Variants in GNA15 observed in about 807,000 individuals in gnomAD.
GNA15 encodes the protein guanine nucleotide-binding protein subunit alpha-15.
A neutral mutation model predicts 40.1 loss-of-function variants in GNA15; 23 were observed. The ratio of observed to expected loss-of-function variants is 0.57; its 90% confidence interval spans 0.41 to 0.81. The LOEUF (loss-of-function observed/expected upper bound fraction) is 0.81. Ranked by LOEUF, GNA15 falls within the 40% of genes least tolerant of loss-of-function variation. GNA15 has a pLI of 0.00. For synonymous variants in GNA15, 226 were observed against 210.4 expected, an observed-to-expected ratio of 1.07 and a Z score of -0.64; for missense variants, 522 against 515.8, an observed-to-expected ratio of 1.01 and a Z score of -0.12.
chr19:3,151,460 G>A lies in GNA15; in HGVS notation c.486-247G>A, dbSNP rs2074863. ...GCTCTCCCGGGGGACACCACTCCTC[G>A]ATGAGGCCATTCCTCATGTCACGCC... On this transcript the variant is annotated intron_variant, in intron 3 of 6. Coordinates refer to ENST00000262958, the MANE Select transcript of GNA15 (RefSeq NM_002068.4). This position sits in a 1 kb window ranked among gnomAD's most constrained non-coding sequence, Gnocchi z 5.0. 0.49 allele frequency among the ~76,000 whole-genome samples: 74,542 copies of A among 151,940 alleles called. 18,739 individuals are homozygous for A. Among genetic ancestry groups the A allele is most frequent in the African/African-American group, 0.58 (23,974 of 41,432 alleles).
In GNA15 at chr19:3,151,123, C is replaced by T. The variant is rs116067302; in HGVS notation, c.486-584C>T. 0.012 allele frequency among the ~76,000 whole-genome samples: 1,726 copies of T among 149,480 alleles called. 35 individuals are homozygous for T. Among genetic ancestry groups the T allele is most frequent in the African/African-American group, 0.039 (1,586 of 40,376 alleles). On this transcript the variant is annotated intron_variant, in intron 3 of 6. Coordinates refer to ENST00000262958, the MANE Select transcript of GNA15 (RefSeq NM_002068.4). The surrounding 1 kb of genome is among the most constrained non-coding windows in gnomAD (Gnocchi z 5.0). ...GTTCCCGGAGTGACCCTATTCCTGG[C>T]GGGAACCTGTTCCTAGAGTGCCCCT... is the stretch of plus-strand genomic sequence containing the variant.
At chr19:3,140,936 T>C (rs961304777) in intron 1 of GNA15, among the ~76,000 whole-genome samples, 1 of 152,260 alleles carries the variant, frequency 6.6e-6, no homozygotes, top group Non-Finnish European at 1.5e-5. Context: ...GGCACTGATG[T>C]AGCACTGTGG....
intron 1 of GNA15, among the ~76,000 whole-genome samples, chr19:3,145,748 G>A (rs372593840): frequency 4.2e-5 from 6 of 143,782 alleles, no homozygotes; most frequent in East Asian, 2.1e-4. Flanking sequence ...GAGTTTCACC[G>A]TGTTGGCCAG....
chr19:3,139,312 C>T (rs1385915539), intron 1 of GNA15, among the ~76,000 whole-genome samples: 1 of 151,986 alleles, frequency 6.6e-6, no homozygotes, highest in African/African-American at 2.4e-5. Context: ...CTCAGCAGGG[C>T]ATAGTGGTTC....
intron 6 of GNA15, among the ~76,000 whole-genome samples, chr19:3,158,089 G>A (rs991386430): frequency 1.3e-5 from 2 of 152,086 alleles, no homozygotes; most frequent in Admixed American, 6.6e-5. Context: ...GAGGCCCTTG[G>A]AACTGAGTAA....
In GNA15 at chr19:3,157,729, A is replaced by G; in HGVS notation, c.746A>G (p.Asn249Ser). Residue 249 changes from asparagine (N) to serine (S), a missense_variant and splice_region_variant, in exon 6 of 7, where the codon AAC (asparagine) becomes AGC (serine). Physicochemically the swap from Asn to Ser is conservative, Grantham distance 46. Coordinates refer to ENST00000262958, the MANE Select transcript of GNA15 (RefSeq NM_002068.4). ...AACCTGCTTCTGCCCCCAACACAGA[A>G]CCGCATGAAGGAGAGCCTCGCATTG... ...DQCLEENNQE[N>S]RMKESLALFG... 6.2e-7 allele frequency: 1 copy of G among 1,613,708 alleles called. No homozygotes were observed. Among genetic ancestry groups the G allele is most frequent in the Non-Finnish European group, 8.5e-7 (1 of 1,179,690 alleles).
rs114960813 is a variant in GNA15, at chr19:3,163,108, T to C, written c.*89T>C. On this transcript the variant is annotated 3_prime_UTR_variant, in exon 7 of 7. Coordinates refer to ENST00000262958, the MANE Select transcript of GNA15 (RefSeq NM_002068.4). Reference sequence around the variant, plus strand: ...ACCCCTAGTGTCCCTGGTCTATCTCTCCAGCCTCGGCCCACACGCAAGGGA... The same window carrying C: ...ACCCCTAGTGTCCCTGGTCTATCTCCCCAGCCTCGGCCCACACGCAAGGGA... 5.0e-3 allele frequency: 4,071 copies of C among 818,368 alleles called. 117 individuals carry two copies. The African/African-American group carries it at 0.061, about 12-fold the overall frequency. The allele number at this position is 818,368 out of a possible 1,614,324, so 50.7% of individuals were successfully genotyped here.
chr19:3,138,418 G>A (rs79398062), intron 1 of GNA15, among the ~76,000 whole-genome samples: 3,456 of 152,282 alleles, frequency 0.023, 246 homozygotes, highest in Admixed American at 0.14. Context: ...GCTCTGGGTT[G>A]GGGGCTGGAG....
chr19:3,160,335 C>A (rs1915114601), intron 6 of GNA15, among the ~76,000 whole-genome samples: 1 of 152,156 alleles, frequency 6.6e-6, no homozygotes, highest in Non-Finnish European at 1.5e-5. Context: ...TTTTCCACCT[C>A]CCCTGTTCTC....
chr19:3,156,656 C>T (rs1324386278), intron 5 of GNA15, among the ~76,000 whole-genome samples: 1 of 151,816 alleles, frequency 6.6e-6, no homozygotes, highest in Non-Finnish European at 1.5e-5. Context: ...CCACGCTCGG[C>T]TAATTTTTTT....
rs1914448505 is a variant in GNA15, at chr19:3,136,064, C to A, written c.-387C>A. On this transcript the variant is annotated 5_prime_UTR_variant, in exon 1 of 7. Transcript: ENST00000262958. The surrounding 1 kb of genome is among the most constrained non-coding windows in gnomAD (Gnocchi z 4.9). ...AGGAAGAAGGGCCCTGCTGGTCACA[C>A]AGGACCCAGTCTGCGGTGGGGGTTT... The A allele has an allele frequency of 5.6e-6, 1 of 179,354 alleles. No homozygotes were observed. Among genetic ancestry groups the A allele is most frequent in the Non-Finnish European group, 1.2e-5 (1 of 85,012 alleles). 11.1% of individuals were successfully genotyped at this position (179,354 alleles called of 1,614,324 possible). A position where few individuals can be genotyped will look rare whatever the true frequency, so the allele number is the denominator to read the frequency against.
intron 1 of GNA15, among the ~76,000 whole-genome samples, chr19:3,143,892 G>A (rs927921698): frequency 1.3e-5 from 2 of 151,786 alleles, no homozygotes; most frequent in African/African-American, 4.8e-5. Context: ...AGGACGAGGC[G>A]GGTGGATCAC....
chr19:3,148,877 G>T, intron 2 of GNA15, 102 bp downstream of exon 2: 1 of 1,134,414 alleles, frequency 8.8e-7, no homozygotes, highest in African/African-American at 1.6e-5. Flanking sequence ...TCAGGGCAGG[G>T]CAGGGCAGGG....
intron 3 of GNA15, among the ~76,000 whole-genome samples, 172 bp downstream of exon 3, chr19:3,150,457 TG>T: frequency 6.6e-6 from 1 of 152,112 alleles, no homozygotes; most frequent in Non-Finnish European, 1.5e-5. Flanking sequence ...GACCCTGTTC[TG>T]GGGGTGACCC....
At chr19:3,157,104 T>C (rs1020046532) in intron 5 of GNA15, among the ~76,000 whole-genome samples, 11 of 151,992 alleles carry the variant, frequency 7.2e-5, no homozygotes, top group Non-Finnish European at 1.6e-4. Flanking sequence ...TTCAAGCGAT[T>C]TTCCTGCCTC....
At chr19:3,139,622 G>A (rs938303623) in intron 1 of GNA15, among the ~76,000 whole-genome samples, 20 of 150,582 alleles carry the variant, frequency 1.3e-4, no homozygotes, top group Non-Finnish European at 2.2e-4. Context: ...AAAAAATGCC[G>A]GGTGCAGTGG....
At chr19:3,141,302 A>G (rs1164645270) in intron 1 of GNA15, among the ~76,000 whole-genome samples, 2 of 152,190 alleles carry the variant, frequency 1.3e-5, no homozygotes, top group Non-Finnish European at 2.9e-5. Flanking sequence ...AACAAAAACA[A>G]AAAAAGAAAA....
At chr19:3,148,274 G>T (rs185553357) in intron 1 of GNA15, among the ~76,000 whole-genome samples, 95 of 152,078 alleles carry the variant, frequency 6.2e-4, no homozygotes, top group Non-Finnish European at 1.2e-3. Flanking sequence ...TTTTAATAGA[G>T]ATGGGGTTTC....
At chr19:3,147,060 T>A (rs1339836001) in intron 1 of GNA15, among the ~76,000 whole-genome samples, 1 of 152,114 alleles carries the variant, frequency 6.6e-6, no homozygotes, top group Non-Finnish European at 1.5e-5. Flanking sequence ...CTTCCGGCCT[T>A]CACAAATCAC....
Sources: gnomAD v4.1 joint callset for allele counts (sites outside exome capture counted in the v4.1 genomes callset) on GRCh38, gnomAD v4.1.1 for gene constraint, Gnocchi (gnomAD v3.1) non-coding constraint, MANE v1.5 for transcripts, NCBI Gene and HGNC (gene_info 2026-07-23, HGNC 2026-07-21) for gene names.